Variants in PRKN observed in about 807,000 individuals in gnomAD.
PRKN encodes the protein parkin RBR E3 ubiquitin protein ligase.
A neutral mutation model predicts 59.5 loss-of-function variants in PRKN; 56 were observed. The ratio of observed to expected loss-of-function variants is 0.94; its 90% CI spans 0.76 to 1.18. The LOEUF is 1.18. Among genes scored for constraint, PRKN ranks in the 50% most tolerant of loss-of-function variants. The pLI, the probability that PRKN is intolerant of heterozygous loss-of-function variation, is 0.00. For synonymous variants in PRKN, 250 were observed against 222.1 expected (o/e 1.13, Z -1.12); for missense variants, 657 against 596.4 (o/e 1.10, Z -1.06).
rs956449838 is a variant in PRKN, at chr6:161,545,829, G to A, written c.1083+3025C>T. On this transcript the variant is annotated intron_variant, in intron 9 of 11. Coordinates refer to ENST00000366898, the MANE Select transcript of PRKN (RefSeq NM_004562.3). The surrounding 1 kb of genome is among the most constrained non-coding windows in gnomAD (Gnocchi z 4.1). ...CTTTCCTCAGGACAAGCATAAATGT[G>A]CCTGGTACTCAGATCAGACTTGAAT... Among the ~76,000 whole-genome samples the A allele has an allele frequency of 6.6e-6, 1 of 152,162 alleles. No individual in the cohort carries two copies. Among genetic ancestry groups the A allele is most frequent in the African/African-American group, 2.4e-5 (1 of 41,426 alleles).
At chr6:161,741,203 C>T (rs991164559) in intron 7 of PRKN, among the ~76,000 whole-genome samples, 2 of 152,192 alleles carry the variant, frequency 1.3e-5, no homozygotes, top group African/African-American at 4.8e-5. Flanking sequence ...GGGCATCTGT[C>T]AGCTAATGAG....
At chr6:161,977,533 GT>G (rs1483084517) in intron 5 of PRKN, among the ~76,000 whole-genome samples, 1 of 80,676 alleles carries the variant, frequency 1.2e-5, no homozygotes, top group African/African-American at 4.9e-5. Flanking sequence ...TCTACTTTCT[GT>G]TTTTTTGGTT....
intron 6 of PRKN, among the ~76,000 whole-genome samples, chr6:161,813,327 A>G (rs540326162): frequency 1.3e-5 from 2 of 151,926 alleles, no homozygotes; most frequent in Non-Finnish European, 2.9e-5. Context: ...CTCACCCACC[A>G]CAGGAGGGGA....
intron 7 of PRKN, among the ~76,000 whole-genome samples, chr6:161,713,470 C>G (rs1786838610): frequency 6.6e-6 from 1 of 152,130 alleles, no homozygotes; most frequent in South Asian, 2.1e-4. Context: ...AATGCATTAG[C>G]ATAAACATAA....
rs560477583 is a variant in PRKN, at chr6:161,428,503, G to A, written c.1084-41626C>T. Among the ~76,000 whole-genome samples, 9 of 152,276 alleles carry A rather than the reference G, an allele frequency of 5.9e-5. No homozygotes were observed. The South Asian group carries it at 6.2e-4, about 11-fold the overall frequency. On this transcript the variant is annotated intron_variant, in intron 9 of 11. Transcript: ENST00000366898. The surrounding 1 kb of genome is among the most constrained non-coding windows in gnomAD (Gnocchi z 4.0). ...AACCTGGCTGGCATCGCAGATGCCC[G>A]TGCCCAGGGCAGCAGCCATAAAGGC...
Position 162,334,032 on chromosome 6 carries a change from G to GCC in PRKN, c.172-71269_172-71268dup, listed in dbSNP as rs1783715290. The stretch of plus-strand genomic sequence containing the variant: ...AAGCCAAAGCCTAATCTAAAGCAAG[G>GCC]CCCCAACTCCCTTCAATTCTACGAA... On this transcript the variant is annotated intron_variant, in intron 2 of 11. Transcript: ENST00000366898. Among the ~76,000 whole-genome samples, 3 of 152,138 alleles carry GCC rather than the reference G, an allele frequency of 2.0e-5. No homozygotes were observed. In the South Asian group the frequency reaches 6.2e-4, roughly 31 times the overall value.
intron 1 of PRKN, among the ~76,000 whole-genome samples, chr6:162,543,763 C>T (rs1779012948): frequency 6.6e-6 from 1 of 152,124 alleles, no homozygotes; most frequent in Non-Finnish European, 1.5e-5. Flanking sequence ...GAGCTTTCAT[C>T]ATCTTAACTC....
At position 161,484,094 on chromosome 6, in the gene PRKN, G is replaced by A. The variant is rs930093953; in HGVS notation, c.1083+64760C>T. ...GCTGGGCTTAATACCTAGGTGATGG[G>A]TTGATCTGTGCAGCAAAACACCATG... On this transcript the variant is annotated intron_variant, in intron 9 of 11. Transcript: ENST00000366898. This position sits in a 1 kb window ranked among gnomAD's most constrained non-coding sequence, Gnocchi z 4.9. Among the ~76,000 whole-genome samples, 1 of 152,050 alleles carries A rather than the reference G, an allele frequency of 6.6e-6. No homozygotes were observed. Among genetic ancestry groups the A allele is most frequent in the Admixed American group, 6.6e-5 (1 of 15,266 alleles).
chr6:161,488,692 G>A lies in PRKN; in HGVS notation c.1083+60162C>T, dbSNP rs1324540720. 1.3e-5 allele frequency among the ~76,000 whole-genome samples: 2 copies of A among 151,872 alleles called. No individual in the cohort carries two copies. Among genetic ancestry groups the A allele is most frequent in the Admixed American group, 6.6e-5 (1 of 15,224 alleles). ...TGTAGAGGTGGGGTCTCACTATGTT[G>A]CCCAGGCTGGTCTTGAACTCGGCCT... On this transcript the variant is annotated intron_variant, in intron 9 of 11. Coordinates refer to ENST00000366898, the MANE Select transcript of PRKN (RefSeq NM_004562.3). The surrounding 1 kb of genome is among the most constrained non-coding windows in gnomAD (Gnocchi z 4.5).
intron 8 of PRKN, among the ~76,000 whole-genome samples, chr6:161,567,267 C>G (rs1052880009): frequency 6.6e-6 from 1 of 152,036 alleles, no homozygotes; most frequent in African/African-American, 2.4e-5. Flanking sequence ...AGGCTGGTCT[C>G]GAACTTCTGG....
chr6:161,941,986 C>T (rs764362766), intron 6 of PRKN, among the ~76,000 whole-genome samples: 1 of 152,116 alleles, frequency 6.6e-6, no homozygotes, highest in Non-Finnish European at 1.5e-5. Flanking sequence ...AAACTTTTTG[C>T]TTATAAAAAT....
intron 2 of PRKN, among the ~76,000 whole-genome samples, chr6:162,422,605 C>T (rs1205697118): frequency 6.6e-6 from 1 of 152,090 alleles, no homozygotes; most frequent in Non-Finnish European, 1.5e-5. Context: ...ATTGAGAGGG[C>T]TCAGGTATCT....
intron 6 of PRKN, among the ~76,000 whole-genome samples, chr6:161,933,706 C>G (rs1038687686): frequency 7.2e-5 from 11 of 151,942 alleles, no homozygotes; most frequent in African/African-American, 2.4e-4. Context: ...AGTCTTCAGA[C>G]CACACTTTGT....
At chr6:162,696,555 A>C (rs1192290582) in intron 1 of PRKN, among the ~76,000 whole-genome samples, 5 of 148,622 alleles carry the variant, frequency 3.4e-5, no homozygotes, top group Non-Finnish European at 5.9e-5. Flanking sequence ...TGTGTCAGGA[A>C]AAACTTTTTT....
chr6:161,618,979 A>G lies in PRKN; in HGVS notation c.872-49563T>C, dbSNP rs374201605. Among the ~76,000 whole-genome samples the G allele has an allele frequency of 3.3e-5, 5 of 152,186 alleles. No homozygotes were observed. The East Asian group carries it at 7.7e-4, about 23-fold the overall frequency. ...GAGTGGTTCTGGTGAAGCAGAAGTG[A>G]TAGAAAAATGAGCCACAGTAGCAGC... On this transcript the variant is annotated intron_variant, in intron 7 of 11. Transcript: ENST00000366898.
intron 9 of PRKN, among the ~76,000 whole-genome samples, chr6:161,506,005 G>A (rs1000433848): frequency 2.5e-4 from 38 of 151,930 alleles, no homozygotes; most frequent in Admixed American, 2.0e-4. Flanking sequence ...ACTTGGCGAT[G>A]CGGGTTCTTT....
chr6:162,476,091 CTT>C (rs1347428813), intron 1 of PRKN, among the ~76,000 whole-genome samples: 8 of 130,454 alleles, frequency 6.1e-5, no homozygotes, highest in East Asian at 2.4e-4. Flanking sequence ...GAGTTTCACT[CTT>C]GTTTCCCAGG....
At chr6:161,755,333 T>G (rs1419767465) in intron 7 of PRKN, among the ~76,000 whole-genome samples, 2 of 151,954 alleles carry the variant, frequency 1.3e-5, no homozygotes, top group Non-Finnish European at 2.9e-5. Context: ...CTACACTATC[T>G]CCATAACTCT....
intron 7 of PRKN, chr6:161,783,585 A>C: frequency 2.1e-6 from 1 of 484,316 alleles, no homozygotes; most frequent in South Asian, 1.6e-5. Flanking sequence ...TGGGTTCAAA[A>C]TGAACTGATA....
Sources: allele counts gnomAD v4.1 joint callset (sites outside exome capture counted in the v4.1 genomes callset), GRCh38; gene constraint gnomAD v4.1.1; non-coding constraint Gnocchi (gnomAD v3.1); transcripts MANE v1.5; gene names NCBI Gene and HGNC (gene_info 2026-07-23, HGNC 2026-07-21).